Variants in SHROOM3 observed in about 807,000 individuals in gnomAD.
SHROOM3 encodes the protein protein Shroom3.
Under a neutral mutation model 138.6 loss-of-function variants are expected in SHROOM3, and 47 were observed. That is an observed-to-expected ratio of 0.34 (90% CI 0.27 to 0.43). SHROOM3 has a LOEUF of 0.43. Among genes scored for constraint, SHROOM3 ranks in the 20% least tolerant of loss-of-function variants. SHROOM3 has a pLI of 1.00. For synonymous variants in SHROOM3, 1,062 were observed against 1,063.3 expected, an observed-to-expected ratio of 1.00 and a Z score of 0.02; for missense variants, 2,491 against 2,596.5, an observed-to-expected ratio of 0.96 and a Z score of 0.88.
intron 1 of SHROOM3, among the ~76,000 whole-genome samples, chr4:76,529,500 A>T (rs1358392684): frequency 1.3e-5 from 2 of 151,812 alleles, no homozygotes; most frequent in Non-Finnish European, 2.9e-5. Context: ...GTGTATATAT[A>T]TATTTTAGTA....
At chr4:76,625,985 A>G (rs1735129804) in intron 2 of SHROOM3, among the ~76,000 whole-genome samples, 2 of 152,196 alleles carry the variant, frequency 1.3e-5, no homozygotes, top group African/African-American at 2.4e-5. Flanking sequence ...TTTGCTTTAA[A>G]CATAGAGAAC....
At chr4:76,724,836 T>A (rs1375307202) in intron 3 of SHROOM3, among the ~76,000 whole-genome samples, 3 of 152,176 alleles carry the variant, frequency 2.0e-5, no homozygotes, top group African/African-American at 7.2e-5. Flanking sequence ...TAATGGGCAT[T>A]TAGGTTGTCT....
intron 1 of SHROOM3, among the ~76,000 whole-genome samples, chr4:76,520,871 C>A (rs1446257184): frequency 6.6e-6 from 1 of 152,176 alleles, no homozygotes; most frequent in Non-Finnish European, 1.5e-5. Flanking sequence ...TCACATCAAG[C>A]CAATCAGATC....
At chr4:76,612,710 AG>A (rs1158899764) in intron 2 of SHROOM3, among the ~76,000 whole-genome samples, 1 of 152,176 alleles carries the variant, frequency 6.6e-6, no homozygotes, top group Non-Finnish European at 1.5e-5. Context: ...ACACTGAAGT[AG>A]GAGGATCCAT....
chr4:76,745,353 A>G (rs1048060020), intron 5 of SHROOM3, among the ~76,000 whole-genome samples: 3 of 152,232 alleles, frequency 2.0e-5, no homozygotes, highest in African/African-American at 7.2e-5. Context: ...ACTGGTGGGG[A>G]TATTTCCCCC....
chr4:76,624,808 T>C (rs966676782), intron 2 of SHROOM3, among the ~76,000 whole-genome samples: 3 of 152,230 alleles, frequency 2.0e-5, no homozygotes, highest in Non-Finnish European at 2.9e-5. Flanking sequence ...ATTGGAAAGA[T>C]TGAATTAAAG....
In SHROOM3 at chr4:76,741,120, C is replaced by G; in HGVS notation, c.2947C>G (p.Arg983Gly). The G allele has an allele frequency of 6.4e-7, 1 of 1,552,288 alleles. No homozygotes were observed. The highest frequency in any genetic ancestry group is 8.7e-7 in the Non-Finnish European group (1 of 1,148,908). ...GGCCTCCGCCTCCCCGCACACGCCC[C>G]GGGAGCGGCACAGCGTGACCCCTGC... ...ASASASPHTP[R>G]ERHSVTPAEG... The change falls in exon 5 of 11, where the codon CGG (arginine) becomes GGG (glycine). Residue 983 changes from arginine (R) to glycine (G), a missense_variant. Coordinates refer to ENST00000296043, the MANE Select transcript of SHROOM3 (RefSeq NM_020859.4). This position sits in a 1 kb window ranked among gnomAD's most constrained non-coding sequence, Gnocchi z 6.2.
intron 1 of SHROOM3, among the ~76,000 whole-genome samples, chr4:76,518,873 C>CA (rs1221105585): frequency 6.6e-6 from 1 of 152,114 alleles, no homozygotes; most frequent in Non-Finnish European, 1.5e-5. Flanking sequence ...TGAACCAGTA[C>CA]AAAAAGCGCA....
At position 76,636,458 on chromosome 4, in the gene SHROOM3, A is replaced by G. The variant is rs76249991; in HGVS notation, c.324-73698A>G. 8.6e-3 allele frequency among the ~76,000 whole-genome samples: 1,311 copies of G among 152,306 alleles called. 11 individuals are homozygous for G. Among genetic ancestry groups the G allele is most frequent in the South Asian group, 0.018 (89 of 4,826 alleles). ...CTTTTACTTCAGCCCTGAAATTACT[A>G]CTATTAGTAATTTAAAATCACTTTT... On this transcript the variant is annotated intron_variant, in intron 2 of 10. Transcript: ENST00000296043.
intron 2 of SHROOM3, among the ~76,000 whole-genome samples, chr4:76,598,242 G>A (rs1255075891): frequency 6.6e-6 from 1 of 151,902 alleles, no homozygotes; most frequent in Non-Finnish European, 1.5e-5. Flanking sequence ...TAGCCAGGAT[G>A]GTCTCGATCT....
chr4:76,643,767 T>G (rs1735741893), intron 2 of SHROOM3, among the ~76,000 whole-genome samples: 1 of 152,240 alleles, frequency 6.6e-6, no homozygotes, highest in African/African-American at 2.4e-5. Context: ...AGATATACAG[T>G]GAATATCCCA....
chr4:76,436,274 C>T lies in SHROOM3; in HGVS notation c.168+54C>T, dbSNP rs78147785. On this transcript the variant is annotated intron_variant, in intron 1 of 10. Coordinates refer to ENST00000296043, the MANE Select transcript of SHROOM3 (RefSeq NM_020859.4). The stretch of plus-strand genomic sequence containing the variant: ...ATTCAAATTGTTTTTTTCAACTTGT[C>T]AGATTTGTCAAAAATGCAAAATAAT... 1,030 of 1,599,572 alleles carry T rather than the reference C, an allele frequency of 6.4e-4. 11 individuals are homozygous for T. The African/African-American group carries it at 0.012, about 19-fold the overall frequency.
At chr4:76,622,794 T>C (rs1560568329) in intron 2 of SHROOM3, among the ~76,000 whole-genome samples, 1 of 152,174 alleles carries the variant, frequency 6.6e-6, no homozygotes, top group African/African-American at 2.4e-5. Context: ...GAGTTGTGGC[T>C]AAAAGCAAAG....
intron 3 of SHROOM3, among the ~76,000 whole-genome samples, chr4:76,713,442 T>C (rs1720288810): frequency 1.3e-5 from 2 of 152,194 alleles, no homozygotes; most frequent in African/African-American, 2.4e-5. Flanking sequence ...TACCTTTATG[T>C]CTTGTCCCTC....
At chr4:76,765,983 C>T (rs1452704248) in intron 9 of SHROOM3, among the ~76,000 whole-genome samples, 1 of 152,060 alleles carries the variant, frequency 6.6e-6, no homozygotes, top group Non-Finnish European at 1.5e-5. Context: ...TTGTGGTTTC[C>T]GCCAGCCTCA....
chr4:76,507,446 G>A (rs1232326152), intron 1 of SHROOM3, among the ~76,000 whole-genome samples: 2 of 151,900 alleles, frequency 1.3e-5, no homozygotes, highest in Non-Finnish European at 2.9e-5. Context: ...TAGTGGGTAT[G>A]AAGTGGTATC....
intron 2 of SHROOM3, among the ~76,000 whole-genome samples, chr4:76,603,595 T>G (rs529415837): frequency 3.9e-5 from 6 of 152,250 alleles, no homozygotes; most frequent in South Asian, 2.1e-4. Context: ...TTCTTCTTTT[T>G]TTTAATATTT....
intron 2 of SHROOM3, 199 bp from the exon 3 acceptor site, chr4:76,709,957 C>A (rs1186107271): frequency 1.7e-6 from 1 of 576,640 alleles, no homozygotes; most frequent in South Asian, 2.0e-5. Context: ...AAAAGGAAGA[C>A]ACGACACTCA....
intron 2 of SHROOM3, among the ~76,000 whole-genome samples, chr4:76,592,122 G>GA (rs1396281243): frequency 1.3e-5 from 2 of 152,092 alleles, no homozygotes; most frequent in African/African-American, 2.4e-5. Flanking sequence ...TGAAAGAGGG[G>GA]AAAAAATGAG....
Sources: gnomAD v4.1 joint callset for allele counts (sites outside exome capture counted in the v4.1 genomes callset) on GRCh38, gnomAD v4.1.1 for gene constraint, Gnocchi (gnomAD v3.1) non-coding constraint, MANE v1.5 for transcripts, NCBI Gene and HGNC (gene_info 2026-07-23, HGNC 2026-07-21) for gene names.